The following HK2 variants were observed in gnomAD, a reference collection of about 807,000 sequenced individuals.
HK2 encodes the protein hexokinase 2, also known as hexokinase-2.
Under a neutral mutation model 92.9 loss-of-function variants are expected in HK2, and 42 were observed. The observed-to-expected ratio is 0.45, with a 90% CI of 0.35 to 0.58. The LOEUF (loss-of-function observed/expected upper bound fraction) is 0.58, where lower values mean the gene tolerates loss of function less well. Among genes scored for constraint, HK2 ranks in the 20% least tolerant of loss-of-function variants. HK2 has a pLI of 0.00. For synonymous variants in HK2, 422 were observed against 468.0 expected (o/e 0.90, Z 1.27); for missense variants, 978 against 1,245.1 (o/e 0.79, Z 3.23).
rs182823334 is a variant in HK2, at chr2:74,866,247, G to T, written c.227-1389G>T. Among the ~76,000 whole-genome samples the T allele has an allele frequency of 1.1e-3, 165 of 152,254 alleles. 1 individual carries two copies. The highest frequency in any genetic ancestry group is 3.8e-3 in the African/African-American group (159 of 41,512). On this transcript the variant is annotated intron_variant, in intron 2 of 17. Coordinates refer to ENST00000290573, the MANE Select transcript of HK2 (RefSeq NM_000189.5). ...CTGGGTGTAAAACAAACATTCTTGG[G>T]TTATTGAGTCAGAGCATCTCCCTGA...
At chr2:74,838,799 A>G (rs1172865088) in intron 1 of HK2, among the ~76,000 whole-genome samples, 4 of 151,996 alleles carry the variant, frequency 2.6e-5, no homozygotes, top group Non-Finnish European at 4.4e-5. Flanking sequence ...CCGCCTCCCA[A>G]AGTGGTGGGA....
chr2:74,888,319 A>G (rs918977193), intron 16 of HK2, among the ~76,000 whole-genome samples: 1 of 152,242 alleles, frequency 6.6e-6, no homozygotes, highest in Admixed American at 6.5e-5. Flanking sequence ...TAGACCATGT[A>G]TCAAAGGTAG....
intron 2 of HK2, among the ~76,000 whole-genome samples, chr2:74,858,369 G>T (rs1344626245): frequency 1.3e-5 from 2 of 152,328 alleles, no homozygotes; most frequent in Middle Eastern, 6.8e-3. Context: ...AGTGTGGGGT[G>T]AGAGGTGAGA....
At chr2:74,882,283 C>T (rs763307742) in intron 12 of HK2, 44 bp downstream of exon 12, 21 of 1,612,778 alleles carry the variant, frequency 1.3e-5, no homozygotes, top group Non-Finnish European at 1.8e-5. Context: ...GCTTTATTGA[C>T]TCTAAACAAA....
intron 2 of HK2, among the ~76,000 whole-genome samples, chr2:74,856,111 G>C (rs2103892844): frequency 6.6e-6 from 1 of 152,266 alleles, no homozygotes; most frequent in East Asian, 1.9e-4. Flanking sequence ...TCTCCAGGAA[G>C]CTGGCAGGTC....
intron 1 of HK2, among the ~76,000 whole-genome samples, chr2:74,836,306 C>A (rs1367309481): frequency 1.3e-5 from 2 of 152,206 alleles, no homozygotes; most frequent in African/African-American, 4.8e-5. Flanking sequence ...AGGGTTGGAA[C>A]CCCGTTGGAG....
chr2:74,885,438 A>T (rs1689498845), intron 12 of HK2, 56 bp from the exon 13 acceptor site: 1 of 1,262,048 alleles, frequency 7.9e-7, no homozygotes, highest in Non-Finnish European at 1.2e-6. Flanking sequence ...GGACCCCCAG[A>T]ACTGACCTGG....
At chr2:74,878,302 G>A (rs375946038) in intron 8 of HK2, among the ~76,000 whole-genome samples, 426 of 152,278 alleles carry the variant, frequency 2.8e-3, no homozygotes, top group African/African-American at 9.7e-3. Flanking sequence ...ACAAGCAGAT[G>A]TAACACAAAC....
intron 3 of HK2, 52 bp downstream of exon 3, chr2:74,867,836 TG>T: frequency 6.2e-7 from 1 of 1,604,028 alleles, no homozygotes; most frequent in Non-Finnish European, 8.5e-7. Context: ...TTCCTTGGCA[TG>T]TTCTTTCTGT....
chr2:74,839,844 G>A (rs530955632), intron 1 of HK2, among the ~76,000 whole-genome samples: 2 of 151,786 alleles, frequency 1.3e-5, no homozygotes, highest in East Asian at 3.9e-4. Flanking sequence ...AGTAGAGATG[G>A]GGTTTCACCA....
chr2:74,882,054 G>A (rs1350197397), intron 11 of HK2, 66 bp from the exon 12 acceptor site: 1 of 1,516,080 alleles, frequency 6.6e-7, no homozygotes. Flanking sequence ...GTTGTGCGCA[G>A]GCCCTACTGG....
chr2:74,881,503 C>T (rs1372021897), intron 10 of HK2, among the ~76,000 whole-genome samples: 1 of 152,196 alleles, frequency 6.6e-6, no homozygotes, highest in African/African-American at 2.4e-5. Flanking sequence ...TGTAATTGTC[C>T]AACAAGGGAG....
At chr2:74,871,766 G>C (rs1482104431) in intron 3 of HK2, among the ~76,000 whole-genome samples, 2 of 152,314 alleles carry the variant, frequency 1.3e-5, no homozygotes, top group African/African-American at 2.4e-5. Flanking sequence ...AAAATTACTT[G>C]TTTTTGTTAA....
Position 74,877,221 on chromosome 2 carries a change from G to C in HK2, c.931G>C (p.Val311Leu), listed in dbSNP as rs746161634. The C allele has an allele frequency of 1.9e-6, 3 of 1,614,220 alleles. No individual in the cohort carries two copies. In the South Asian group the frequency reaches 3.3e-5, roughly 18 times the overall value. Reference protein sequence around the residue: ...YMGELVRLILVKMAKEELLFG... With the variant: ...YMGELVRLILLKMAKEELLFG... ...GGGGGAGCTGGTGAGGCTTATCCTGGTGAAGATGGCCAAGGAGGAGCTGCT... is the reference window on the plus strand; with the variant it reads ...GGGGGAGCTGGTGAGGCTTATCCTGCTGAAGATGGCCAAGGAGGAGCTGCT... The change falls in exon 8 of 18, where the codon GTG (valine) becomes CTG (leucine). Residue 311 changes from valine (V) to leucine (L), a missense_variant. Transcript: ENST00000290573.
Position 74,892,222 on chromosome 2 carries a change from TAAAG to T in HK2, c.*1282_*1285del, listed in dbSNP as rs1226267379. ...AGTATTCTAAAGCTTTCTGACAAGATAAAGGAAGTCACCAAAATTTCTTTTTTTA... is the reference window on the plus strand; with the variant it reads ...AGTATTCTAAAGCTTTCTGACAAGATGAAGTCACCAAAATTTCTTTTTTTA... On this transcript the variant is annotated 3_prime_UTR_variant, in exon 18 of 18. Transcript: ENST00000290573. The T allele has an allele frequency of 2.0e-5, 3 of 152,374 alleles. No homozygotes were observed. Among genetic ancestry groups the T allele is most frequent in the South Asian group, 4.1e-4 (2 of 4,832 alleles). 9.4% of individuals were successfully genotyped at this position (152,374 alleles called of 1,614,324 possible).
chr2:74,861,873 T>C (rs1256521329), intron 2 of HK2, among the ~76,000 whole-genome samples: 1 of 152,222 alleles, frequency 6.6e-6, no homozygotes, highest in African/African-American at 2.4e-5. Context: ...CAAGATCGTT[T>C]GGTTATAACT....
At chr2:74,874,168 C>T in intron 6 of HK2, 98 bp from the exon 7 acceptor site, 2 of 1,482,460 alleles carry the variant, frequency 1.3e-6, no homozygotes, top group African/African-American at 1.4e-5. Flanking sequence ...AAATCCCAGC[C>T]ATCCTGGCCG....
intron 3 of HK2, among the ~76,000 whole-genome samples, chr2:74,871,849 A>T (rs923551748): frequency 6.6e-6 from 1 of 152,148 alleles, no homozygotes; most frequent in African/African-American, 2.4e-5. Flanking sequence ...AGAGACAGGG[A>T]TACTAAAATA....
At position 74,834,914 on chromosome 2, in the gene HK2, T is replaced by C. The variant is rs1355649860; in HGVS notation, c.63+271T>C. Among the ~76,000 whole-genome samples the C allele has an allele frequency of 1.3e-5, 2 of 152,114 alleles. No individual in the cohort carries two copies. On this transcript the variant is annotated intron_variant, in intron 1 of 17. Coordinates refer to ENST00000290573, the MANE Select transcript of HK2 (RefSeq NM_000189.5). The surrounding 1 kb of genome is among the most constrained non-coding windows in gnomAD (Gnocchi z 4.2). The stretch of plus-strand genomic sequence containing the variant: ...CACGCGCTCACGCTCTCTCCCCCAG[T>C]CCCTTTTTCCCTGTTACTGGAGGGG...
Sources: gnomAD v4.1 joint callset for allele counts (sites outside exome capture counted in the v4.1 genomes callset) on GRCh38, gnomAD v4.1.1 for gene constraint, Gnocchi (gnomAD v3.1) non-coding constraint, MANE v1.5 for transcripts, NCBI Gene and HGNC (gene_info 2026-07-23, HGNC 2026-07-21) for gene names.